TCAF1: variants seen among roughly 807,000 people sequenced by gnomAD.
The protein encoded by TCAF1 is TRPM8 channel-associated factor 1.
A neutral mutation model predicts 27.3 loss-of-function variants in TCAF1; 4 were observed. The observed-to-expected ratio is 0.15, with a 90% CI of 0.07 to 0.34. The LOEUF (loss-of-function observed/expected upper bound fraction) is 0.34, where lower values mean the gene tolerates loss of function less well. Ranked by LOEUF, TCAF1 falls within the 10% of genes least tolerant of loss-of-function variation. The pLI is 1.00. For synonymous variants in TCAF1, 105 were observed against 167.1 expected (o/e 0.63, Z 2.87); for missense variants, 257 against 425.8 (o/e 0.60, Z 3.49).
At position 143,876,029 on chromosome 7, in the gene TCAF1, T is replaced by C; in HGVS notation, c.580A>G (p.Lys194Glu). The C allele has an allele frequency of 6.3e-7, 1 of 1,580,734 alleles. No individual in the cohort carries two copies. Among genetic ancestry groups the C allele is most frequent in the Non-Finnish European group, 8.6e-7 (1 of 1,162,290 alleles). The change falls in exon 2 of 9, where the codon AAA (lysine) becomes GAA (glutamate). Residue 194 changes from lysine to glutamate, a missense_variant. This residue lies in a region of TCAF1 where 255 missense variants were observed against 260.1 expected (regional missense o/e 0.98). Coordinates refer to ENST00000479870, the MANE Select transcript of TCAF1 (RefSeq NM_014719.3). ...TDNKGDTSFF[K>E]VSKKMPKIPV... ...ATCTTGGGCATCTTCTTGGAGACTT[T>C]AAAGAAACTCGTGTCCCCTTTGTTG...
rs1440521960 is a variant in TCAF1 at position 143,876,181 on chromosome 7, T to G, written c.428A>C (p.Lys143Thr). ...TMTEKLVKFMKCGGGLLIGGQ... is the reference protein window; with the variant it reads ...TMTEKLVKFMTCGGGLLIGGQ... ...TCCTATGAGCAAGCCGCCACCACAT[T>G]TCATGAACTTGACCAGCTTTTCTGT... is the stretch of plus-strand genomic sequence containing the variant. The change falls in exon 2 of 9, where the codon AAA becomes ACA. Residue 143 changes from lysine (K) to threonine (T), a missense_variant. Around this residue, in one of 2 missense-constraint regions of TCAF1, gnomAD observed 255 missense variants for 260.1 expected, o/e 0.98. Transcript: ENST00000479870. 6.2e-7 allele frequency: 1 copy of G among 1,614,172 alleles called. No individual in the cohort carries two copies. The highest frequency in any genetic ancestry group is 1.1e-5 in the South Asian group (1 of 91,084).
At chr7:143,895,488 T>C (rs1813831678) in intron 1 of TCAF1, among the ~76,000 whole-genome samples, 2 of 151,850 alleles carry the variant, frequency 1.3e-5, no homozygotes, top group African/African-American at 4.8e-5. Context: ...TGGTTATTTT[T>C]GAGAGTGAAA....
intron 6 of TCAF1, among the ~76,000 whole-genome samples, chr7:143,859,896 A>G (rs1245289562): frequency 1.2e-5 from 1 of 84,378 alleles, no homozygotes; most frequent in African/African-American, 4.6e-5. Flanking sequence ...TATAATATAT[A>G]TTATATAATA....
At chr7:143,881,118 G>C (rs1264838294) in intron 1 of TCAF1, among the ~76,000 whole-genome samples, 2 of 152,196 alleles carry the variant, frequency 1.3e-5, no homozygotes, top group African/African-American at 4.8e-5. Flanking sequence ...CCCTTTGAGA[G>C]ATGCGTGGAA....
intron 1 of TCAF1, among the ~76,000 whole-genome samples, chr7:143,895,435 A>C (rs1813828088): frequency 6.6e-6 from 1 of 151,896 alleles, no homozygotes; most frequent in African/African-American, 2.4e-5. Context: ...ATTTATGTGA[A>C]GATCAAGATT....
intron 1 of TCAF1, among the ~76,000 whole-genome samples, chr7:143,884,452 T>A (rs1233752003): frequency 2.0e-5 from 3 of 152,200 alleles, no homozygotes; most frequent in Non-Finnish European, 4.4e-5. Context: ...ACATCTTTTA[T>A]CTTCTCCAGT....
intron 2 of TCAF1, among the ~76,000 whole-genome samples, chr7:143,875,133 A>G (rs1261961451): frequency 1.3e-5 from 2 of 152,056 alleles, no homozygotes; most frequent in Non-Finnish European, 2.9e-5. Flanking sequence ...TCCTCACCCA[A>G]TCCTACCTTG....
intron 2 of TCAF1, among the ~76,000 whole-genome samples, chr7:143,869,541 AT>A (rs1812344093): frequency 6.6e-6 from 1 of 151,792 alleles, no homozygotes; most frequent in Non-Finnish European, 1.5e-5. Context: ...TATTAGAGAA[AT>A]GCTGTTTTAA....
intron 1 of TCAF1, chr7:143,885,447 G>T: frequency 1.0e-6 from 1 of 985,454 alleles, no homozygotes; most frequent in Non-Finnish European, 1.2e-6. Context: ...CCGGACCGCA[G>T]AGGCCCGGCT....
At chr7:143,867,703 T>C (rs113138179) in intron 2 of TCAF1, among the ~76,000 whole-genome samples, 1 of 81,964 alleles carries the variant, frequency 1.2e-5, no homozygotes, top group African/African-American at 4.1e-5. Flanking sequence ...TAGGCAAAAA[T>C]TGCAAAGGTC....
At chr7:143,883,016 CT>C in intron 1 of TCAF1, 2 of 294,734 alleles carry the variant, frequency 6.8e-6, no homozygotes, top group African/African-American at 2.3e-5. Context: ...ATTGCTGTGG[CT>C]TAGGGACGCC....
intron 1 of TCAF1, among the ~76,000 whole-genome samples, chr7:143,879,098 C>A (rs754739871): frequency 3.3e-5 from 5 of 152,192 alleles, no homozygotes; most frequent in African/African-American, 4.8e-5. Context: ...GTCTGCCAGG[C>A]GCCCTTGGAC....
At chr7:143,879,900 C>A (rs192216231) in intron 1 of TCAF1, among the ~76,000 whole-genome samples, 20 of 152,100 alleles carry the variant, frequency 1.3e-4, no homozygotes, top group Non-Finnish European at 1.9e-4. Context: ...CTGCCTCTAA[C>A]GCTGGCACGA....
chr7:143,891,857 A>T (rs963670391), intron 1 of TCAF1, among the ~76,000 whole-genome samples: 2 of 152,174 alleles, frequency 1.3e-5, no homozygotes, highest in East Asian at 3.8e-4. Flanking sequence ...TCATAGAGAA[A>T]ATCTGAAAAG....
chr7:143,876,785 G>C (rs1205060611), intron 1 of TCAF1, among the ~76,000 whole-genome samples, 163 bp from the exon 2 acceptor site: 1 of 152,170 alleles, frequency 6.6e-6, no homozygotes, highest in Admixed American at 6.5e-5. Flanking sequence ...CTGAAGTCCA[G>C]GAGACCCCAA....
chr7:143,897,594 T>C (rs1020864322), intron 1 of TCAF1, among the ~76,000 whole-genome samples: 36 of 152,104 alleles, frequency 2.4e-4, no homozygotes, highest in Admixed American at 2.2e-3. Flanking sequence ...AATGGTCAAA[T>C]GTATTTATAT....
chr7:143,898,498 T>C (rs564376879), intron 1 of TCAF1, among the ~76,000 whole-genome samples: 18 of 152,286 alleles, frequency 1.2e-4, no homozygotes, highest in African/African-American at 4.3e-4. Flanking sequence ...GTTTGATTGA[T>C]ATATAATTAA....
intron 1 of TCAF1, among the ~76,000 whole-genome samples, chr7:143,889,768 G>A (rs1813560889): frequency 6.6e-6 from 1 of 152,186 alleles, no homozygotes; most frequent in Non-Finnish European, 1.5e-5. Flanking sequence ...GCTTATTACT[G>A]TAGTGCTCTG....
intron 6 of TCAF1, among the ~76,000 whole-genome samples, chr7:143,859,815 G>A (rs1811782469): frequency 6.7e-6 from 1 of 148,680 alleles, no homozygotes; most frequent in Non-Finnish European, 1.5e-5. Flanking sequence ...GAAAGCTCAG[G>A]TGGCATTTCT....
Sources: allele counts gnomAD v4.1 joint callset (sites outside exome capture counted in the v4.1 genomes callset), GRCh38; gene constraint gnomAD v4.1.1; regional missense constraint gnomAD v4.1.1; transcripts MANE v1.5; gene names NCBI Gene and HGNC (gene_info 2026-07-23, HGNC 2026-07-21).